TJP1: variants seen among roughly 807,000 people sequenced by gnomAD.
The protein encoded by TJP1 is tight junction protein ZO-1.
Under a neutral mutation model 194.2 loss-of-function variants are expected in TJP1, and 43 were observed. The observed-to-expected ratio is 0.22, with a 90% CI of 0.17 to 0.29. The LOEUF is 0.29. Among genes scored for constraint, TJP1 ranks in the 10% least tolerant of loss-of-function variants. TJP1 has a pLI of 1.00. For missense variants in TJP1, 1,971 were observed against 2,185.7 expected (o/e 0.90, Z 1.96); for synonymous variants, 801 against 779.0 (o/e 1.03, Z -0.47).
chr15:29,830,615 GAAAC>G (rs1318505532), intron 2 of TJP1, among the ~76,000 whole-genome samples: 5 of 151,502 alleles, frequency 3.3e-5, no homozygotes, highest in Non-Finnish European at 7.4e-5. Context: ...AGAGAAAAGA[GAAAC>G]AAGTATAAAA....
At chr15:29,934,718 A>C (rs79147519) in intron 2 of TJP1, among the ~76,000 whole-genome samples, 1 of 152,238 alleles carries the variant, frequency 6.6e-6, no homozygotes, top group African/African-American at 2.4e-5. Flanking sequence ...ATGTGTATGC[A>C]TAACTAAAGC....
At chr15:29,838,585 C>G (rs1368438492) in intron 2 of TJP1, among the ~76,000 whole-genome samples, 1 of 148,312 alleles carries the variant, frequency 6.7e-6, no homozygotes, top group Non-Finnish European at 1.5e-5. Context: ...ATTCAGATTT[C>G]ACCTGTTATA....
At chr15:29,860,333 T>C (rs1407065859) in intron 2 of TJP1, among the ~76,000 whole-genome samples, 1 of 152,174 alleles carries the variant, frequency 6.6e-6, no homozygotes, top group Non-Finnish European at 1.5e-5. Context: ...ACACCTATGC[T>C]GTCCATTCCG....
At chr15:29,721,981 G>A (rs1273497166) in intron 18 of TJP1, among the ~76,000 whole-genome samples, 4 of 152,228 alleles carry the variant, frequency 2.6e-5, no homozygotes, top group Admixed American at 6.5e-5. Flanking sequence ...ATGCGACCTG[G>A]CTGCTTCTAA....
intron 7 of TJP1, 121 bp from the exon 8 acceptor site, chr15:29,761,407 G>T: frequency 7.5e-7 from 1 of 1,338,858 alleles, no homozygotes; most frequent in Non-Finnish European, 1.0e-6. Context: ...GAAGATTTAT[G>T]CATTAATTTC....
At position 29,719,054 on chromosome 15, in the gene TJP1, T is replaced by C; in HGVS notation, c.3088A>G (p.Arg1030Gly). ...GTCAGATTAGGCTCTTTGTCTGGCC[T>C]GTGCCCTGGGTGACTAACGGCTGGC... The part of the protein sequence containing the change: ...KQPAVSHPGH[R>G]PDKEPNLTYE... Residue 1030 changes from arginine to glycine, a missense_variant, in exon 21 of 28, where the codon AGG (arginine) becomes GGG (glycine). Physicochemically the swap from Arg to Gly is moderately radical, Grantham distance 125. This residue lies in a region of TJP1 where 1,108 missense variants were observed against 1,128.5 expected (regional missense o/e 0.98). Transcript: ENST00000614355. The C allele has an allele frequency of 1.9e-6, 3 of 1,614,234 alleles. No homozygotes were observed. The highest frequency in any genetic ancestry group is 2.5e-6 in the Non-Finnish European group (3 of 1,180,044).
chr15:29,911,631 A>C (rs1335092664), intron 2 of TJP1, among the ~76,000 whole-genome samples: 1 of 152,142 alleles, frequency 6.6e-6, no homozygotes, highest in Non-Finnish European at 1.5e-5. Context: ...GTGAGAACTC[A>C]CTGTCACGAG....
rs139619444 is a variant in TJP1, at chr15:29,714,307, C to T, written c.4202+2304G>A. On this transcript the variant is annotated intron_variant, in intron 23 of 27. Coordinates refer to ENST00000614355, the MANE Select transcript of TJP1 (RefSeq NM_001330239.4). ...AGACTGGAGTGCAGTGGCGCGATCTCGGCTCATTGCAAGCTCCGCCTCCCG... is the reference window on the plus strand; with the variant it reads ...AGACTGGAGTGCAGTGGCGCGATCTTGGCTCATTGCAAGCTCCGCCTCCCG... Among the ~76,000 whole-genome samples the T allele has an allele frequency of 9.6e-4, 146 of 151,984 alleles. 6 individuals carry two copies. In the East Asian group the frequency reaches 0.023, roughly 24 times the overall value.
chr15:29,802,308 G>A (rs2048841172), intron 1 of TJP1, among the ~76,000 whole-genome samples: 1 of 151,914 alleles, frequency 6.6e-6, no homozygotes, highest in East Asian at 1.9e-4. Context: ...AGGTGCCATG[G>A]GCCCATTCTC....
At chr15:29,705,849 A>T (rs1360933642) in intron 25 of TJP1, 104 bp from the exon 26 acceptor site, 1 of 950,110 alleles carries the variant, frequency 1.1e-6, no homozygotes, top group East Asian at 2.5e-5. Context: ...TCTCCATATA[A>T]TCAAGAAGTT....
At chr15:29,707,862 C>G (rs1342792561) in intron 25 of TJP1, among the ~76,000 whole-genome samples, 1 of 152,130 alleles carries the variant, frequency 6.6e-6, no homozygotes, top group Non-Finnish European at 1.5e-5. Context: ...ATGCACCTTA[C>G]CAGTAGGTCA....
At chr15:29,968,822 C>A in exon 1 of TJP1, 5 of 1,069,414 alleles carry the variant, frequency 4.7e-6, no homozygotes, top group Non-Finnish European at 3.7e-6. Flanking sequence ...GCAGACACAG[C>A]CCCTCCAGGC....
intron 2 of TJP1, among the ~76,000 whole-genome samples, chr15:29,780,628 A>G (rs1422881823): frequency 6.6e-6 from 1 of 152,190 alleles, no homozygotes; most frequent in Non-Finnish European, 1.5e-5. Flanking sequence ...GTAGCAGAAT[A>G]ACATCTCTGC....
At chr15:29,896,730 T>C (rs1249329022) in intron 2 of TJP1, among the ~76,000 whole-genome samples, 1 of 152,162 alleles carries the variant, frequency 6.6e-6, no homozygotes, top group African/African-American at 2.4e-5. Context: ...GATGAGGAAC[T>C]TGTTGGGAAC....
intron 2 of TJP1, among the ~76,000 whole-genome samples, chr15:29,871,409 G>A (rs942229261): frequency 2.6e-5 from 4 of 152,108 alleles, no homozygotes; most frequent in East Asian, 1.9e-4. Context: ...CCATGCCCTC[G>A]TGGGCAAAAC....
At chr15:29,837,584 CTATT>C (rs762921940) in intron 2 of TJP1, among the ~76,000 whole-genome samples, 6 of 152,134 alleles carry the variant, frequency 3.9e-5, no homozygotes, top group Non-Finnish European at 8.8e-5. Flanking sequence ...CAAAAAGTCT[CTATT>C]TGTTATTTAA....
intron 2 of TJP1, among the ~76,000 whole-genome samples, chr15:29,774,966 G>A (rs966698471): frequency 6.6e-6 from 1 of 151,774 alleles, no homozygotes; most frequent in Non-Finnish European, 1.5e-5. Flanking sequence ...GTCAACTGCA[G>A]TGTGAAAATT....
chr15:29,754,852 A>AACCTGTAT (rs1401376687), intron 8 of TJP1, among the ~76,000 whole-genome samples: 7 of 152,226 alleles, frequency 4.6e-5, no homozygotes. Context: ...ACCTACGCTC[A>AACCTGTAT]ACCTGTATGT....
At chr15:29,948,369 G>C (rs777010925) in intron 2 of TJP1, among the ~76,000 whole-genome samples, 3 of 151,858 alleles carry the variant, frequency 2.0e-5, no homozygotes, top group Non-Finnish European at 4.4e-5. Context: ...TTAATACCAT[G>C]TCTTTTATCT....
Sources: allele counts gnomAD v4.1 joint callset (sites outside exome capture counted in the v4.1 genomes callset), GRCh38; gene constraint gnomAD v4.1.1; regional missense constraint gnomAD v4.1.1; transcripts MANE v1.5; gene names NCBI Gene and HGNC (gene_info 2026-07-23, HGNC 2026-07-21).